Variants in ABCC4 observed in about 807,000 individuals in gnomAD.
ABCC4 encodes ATP binding cassette subfamily C member 4 (PEL blood group).
Under a neutral mutation model 168.5 loss-of-function variants are expected in ABCC4, and 102 were observed. The ratio of observed to expected loss-of-function variants is 0.61; its 90% CI spans 0.52 to 0.71. ABCC4 has a LOEUF of 0.71. Among genes scored for constraint, ABCC4 ranks in the 30% least tolerant of loss-of-function variants. The pLI, the probability that ABCC4 is intolerant of heterozygous loss-of-function variation, is 0.00. For synonymous variants in ABCC4, 617 were observed against 590.7 expected (o/e 1.04, Z -0.65); for missense variants, 1,402 against 1,605.8 (o/e 0.87, Z 2.17).
rs1018984432 is a variant in ABCC4, at chr13:95,157,771, C to A, written c.2455+3418G>T. On this transcript the variant is annotated intron_variant, in intron 19 of 30. Transcript: ENST00000645237. The stretch of plus-strand genomic sequence containing the variant: ...GGCATGTTGGAGAAGCGTGGCCTTC[C>A]TAGAAACAGAAACTTCAGGCCGGGC... Among the ~76,000 whole-genome samples the A allele has an allele frequency of 7.9e-5, 12 of 152,126 alleles. No homozygotes were observed. The East Asian group carries it at 1.5e-3, about 20-fold the overall frequency.
intron 3 of ABCC4, among the ~76,000 whole-genome samples, chr13:95,237,167 G>A (rs559993562): frequency 2.3e-4 from 35 of 152,264 alleles, no homozygotes; most frequent in African/African-American, 8.4e-4. Flanking sequence ...AATGCAAAAG[G>A]CAGGTAGGTC....
At chr13:95,134,741 T>C (rs911517643) in intron 19 of ABCC4, among the ~76,000 whole-genome samples, 16 of 151,476 alleles carry the variant, frequency 1.1e-4, no homozygotes, top group Admixed American at 2.6e-4. Flanking sequence ...AATAAATAAA[T>C]AAATAAGGAC....
At chr13:95,163,053 A>C (rs983315742) in intron 18 of ABCC4, 69 bp downstream of exon 18, 1 of 1,032,552 alleles carries the variant, frequency 9.7e-7, no homozygotes, top group African/African-American at 1.6e-5. Flanking sequence ...TGGAAGCCCT[A>C]GTTACTCACA....
chr13:95,281,759 T>C (rs1220516305), intron 1 of ABCC4, among the ~76,000 whole-genome samples: 2 of 151,752 alleles, frequency 1.3e-5, no homozygotes, highest in Non-Finnish European at 2.9e-5. Flanking sequence ...CCAGGCAATA[T>C]CTTTGTGAGG....
intron 8 of ABCC4, among the ~76,000 whole-genome samples, chr13:95,197,941 T>C (rs2038507177): frequency 6.6e-6 from 1 of 152,106 alleles, no homozygotes; most frequent in African/African-American, 2.4e-5. Flanking sequence ...AAAAGGAAAT[T>C]GAAAAGTATG....
chr13:95,154,453 T>C (rs1223808797), intron 19 of ABCC4, among the ~76,000 whole-genome samples: 1 of 152,304 alleles, frequency 6.6e-6, no homozygotes, highest in African/African-American at 2.4e-5. Context: ...AGAAAAATCA[T>C]AGTTTCTTTT....
rs61066518 is a variant in ABCC4, at chr13:95,157,332, C to CAAAA, written c.2455+3853_2455+3856dup. 1.2e-3 allele frequency among the ~76,000 whole-genome samples: 170 copies of CAAAA among 139,934 alleles called. 1 individual carries two copies. The highest frequency in any genetic ancestry group is 4.2e-3 in the African/African-American group (164 of 38,706). The allele number at this position is 139,934 out of a possible 152,430, so 91.8% of individuals were successfully genotyped here. A position where few individuals can be genotyped will look rare whatever the true frequency, so the allele number is the denominator to read the frequency against. On this transcript the variant is annotated intron_variant, in intron 19 of 30. Coordinates refer to ENST00000645237, the MANE Select transcript of ABCC4 (RefSeq NM_005845.5). ...TAAAACCCTGTCTCTACTAAAAATA[C>CAAAA]AAAAAAAAAAAAAATTAGCCGGATG...
chr13:95,158,385 G>A (rs2036949524), intron 19 of ABCC4, among the ~76,000 whole-genome samples: 1 of 152,132 alleles, frequency 6.6e-6, no homozygotes, highest in African/African-American at 2.4e-5. Context: ...TCCAGCACAA[G>A]GGCACTGGAG....
chr13:95,085,937 A>G (rs2034242028), intron 20 of ABCC4, among the ~76,000 whole-genome samples: 1 of 152,210 alleles, frequency 6.6e-6, no homozygotes, highest in Admixed American at 6.5e-5. Context: ...AAAGACAGAA[A>G]ATTCAGTCAT....
chr13:95,254,124 C>G (rs997150910), intron 1 of ABCC4, among the ~76,000 whole-genome samples: 2 of 152,166 alleles, frequency 1.3e-5, no homozygotes, highest in African/African-American at 4.8e-5. Flanking sequence ...TCTCAAACTC[C>G]TGGCCTCAAG....
intron 10 of ABCC4, 90 bp downstream of exon 10, chr13:95,188,363 A>C: frequency 8.4e-7 from 1 of 1,196,672 alleles, no homozygotes; most frequent in Non-Finnish European, 1.2e-6. Context: ...CCAGTTCAAA[A>C]TTGTGTTACA....
At chr13:95,171,212 C>G (rs535260062) in intron 13 of ABCC4, among the ~76,000 whole-genome samples, 1 of 151,824 alleles carries the variant, frequency 6.6e-6, no homozygotes, top group Non-Finnish European at 1.5e-5. Flanking sequence ...CAAAACTTCT[C>G]TCATTAGTCC....
At chr13:95,223,156 C>A (rs1248776617) in intron 4 of ABCC4, among the ~76,000 whole-genome samples, 1 of 152,110 alleles carries the variant, frequency 6.6e-6, no homozygotes, top group Non-Finnish European at 1.5e-5. Context: ...AAAAAACAGG[C>A]CTATGAGTTC....
At chr13:95,030,922 T>C (rs2031850482) in intron 30 of ABCC4, among the ~76,000 whole-genome samples, 1 of 152,188 alleles carries the variant, frequency 6.6e-6, no homozygotes, top group South Asian at 2.1e-4. Flanking sequence ...CAAAGGTCAG[T>C]CAAAAGAGAG....
At position 95,082,581 on chromosome 13, in the gene ABCC4, G is replaced by T. The variant is rs576468696; in HGVS notation, c.2686+559C>A. Reference sequence around the variant, plus strand: ...CAAATGGAAAACTGAAAATAACAATGCTTATCTTTTCAAAACGTTTAAAAC... The same window carrying T: ...CAAATGGAAAACTGAAAATAACAATTCTTATCTTTTCAAAACGTTTAAAAC... On this transcript the variant is annotated intron_variant, in intron 21 of 30. Transcript: ENST00000645237. 2.0e-5 allele frequency among the ~76,000 whole-genome samples: 3 copies of T among 152,224 alleles called. No individual in the cohort carries two copies. The East Asian group carries it at 5.8e-4, about 29-fold the overall frequency.
intron 19 of ABCC4, among the ~76,000 whole-genome samples, chr13:95,124,877 C>G (rs1384340810): frequency 7.0e-6 from 1 of 141,872 alleles, no homozygotes; most frequent in African/African-American, 2.6e-5. Flanking sequence ...GACTTGATCT[C>G]AAAAAAAAAA....
chr13:95,295,974 A>C (rs1037021883), intron 1 of ABCC4, among the ~76,000 whole-genome samples: 9 of 151,712 alleles, frequency 5.9e-5, no homozygotes, highest in Non-Finnish European at 1.3e-4. Context: ...AAAAAAAAAA[A>C]AAAAAACACT....
chr13:95,259,136 C>T (rs1273186930), intron 1 of ABCC4, among the ~76,000 whole-genome samples: 1 of 151,976 alleles, frequency 6.6e-6, no homozygotes, highest in Non-Finnish European at 1.5e-5. Flanking sequence ...CCTGTAATCC[C>T]GGCACTTTAG....
chr13:95,056,577 TC>T (rs1300896408), intron 26 of ABCC4, among the ~76,000 whole-genome samples: 2 of 151,226 alleles, frequency 1.3e-5, no homozygotes, highest in Non-Finnish European at 2.9e-5. Flanking sequence ...TAGGCCAGAA[TC>T]CAATTGTATT....
Sources: gnomAD v4.1 joint callset for allele counts (sites outside exome capture counted in the v4.1 genomes callset) on GRCh38, gnomAD v4.1.1 for gene constraint, MANE v1.5 for transcripts, NCBI Gene and HGNC (gene_info 2026-07-23, HGNC 2026-07-21) for gene names.